The following SGCD variants were observed in gnomAD, a reference collection of about 807,000 sequenced individuals.
SGCD encodes delta-sarcoglycan.
SGCD carries 18 observed loss-of-function variants against 36.6 expected under a neutral mutation model. The observed-to-expected ratio is 0.49, with a 90% CI of 0.34 to 0.73. The LOEUF (loss-of-function observed/expected upper bound fraction) is 0.73, where lower values mean the gene tolerates loss of function less well. Ranked by LOEUF, SGCD falls within the 30% of genes least tolerant of loss-of-function variation. SGCD has a pLI of 0.01. For synonymous variants in SGCD, 133 were observed against 130.6 expected (o/e 1.02, Z -0.12); for missense variants, 387 against 346.7 (o/e 1.12, Z -0.92).
chr5:155,764,465 C>T, the SGCD span, among the ~76,000 whole-genome samples: 7 of 152,150 alleles, frequency 4.6e-5, no homozygotes, highest in African/African-American at 1.7e-4. Context: ...TCGTAGGTTG[C>T]AGGCTGAACT....
intron 1 of SGCD, among the ~76,000 whole-genome samples, chr5:156,086,574 G>T (rs183416505): frequency 2.0e-5 from 3 of 152,298 alleles, no homozygotes; most frequent in Non-Finnish European, 4.4e-5. Context: ...TGGTGAATGG[G>T]CTGGCATCAT....
intron 1 of SGCD, among the ~76,000 whole-genome samples, chr5:156,010,857 T>G (rs753433281): frequency 6.6e-6 from 1 of 152,210 alleles, no homozygotes; most frequent in Non-Finnish European, 1.5e-5. Context: ...GCTCACACTT[T>G]TACCTACTAC....
intron 7 of SGCD, among the ~76,000 whole-genome samples, chr5:156,732,470 C>A (rs1408531528): frequency 1.3e-5 from 2 of 152,162 alleles, no homozygotes; most frequent in Non-Finnish European, 2.9e-5. Flanking sequence ...GGTGGATAAG[C>A]TTTTTGATGT....
intron 3 of SGCD, among the ~76,000 whole-genome samples, chr5:156,271,570 C>T (rs1766180396): frequency 6.6e-6 from 1 of 151,922 alleles, no homozygotes; most frequent in Non-Finnish European, 1.5e-5. Context: ...AGTGCTTGAT[C>T]CAAAAATATT....
At chr5:156,434,223 A>G (rs575996845) in intron 3 of SGCD, among the ~76,000 whole-genome samples, 1 of 152,370 alleles carries the variant, frequency 6.6e-6, no homozygotes, top group Non-Finnish European at 1.5e-5. Flanking sequence ...GTGTGTGTGT[A>G]AAGTAGTCTT....
chr5:156,552,235 A>C (rs1444947904), intron 4 of SGCD, among the ~76,000 whole-genome samples: 1 of 152,304 alleles, frequency 6.6e-6, no homozygotes, highest in South Asian at 2.1e-4. Context: ...TCAAGGTGAG[A>C]GCCTATAAGG....
At chr5:156,520,746 G>A (rs995441845) in intron 4 of SGCD, among the ~76,000 whole-genome samples, 6 of 152,050 alleles carry the variant, frequency 3.9e-5, no homozygotes, top group African/African-American at 7.2e-5. Context: ...AGCCAGGCGC[G>A]GTGGCTCATG....
intron 3 of SGCD, among the ~76,000 whole-genome samples, chr5:156,189,816 AT>A (rs999218123): frequency 1.1e-4 from 16 of 152,076 alleles, no homozygotes; most frequent in Non-Finnish European, 1.8e-4. Flanking sequence ...TGTGACAGGA[AT>A]TTTTTTTGAA....
chr5:156,223,294 T>C (rs1561572370), intron 3 of SGCD, among the ~76,000 whole-genome samples: 1 of 152,106 alleles, frequency 6.6e-6, no homozygotes, highest in African/African-American at 2.4e-5. Flanking sequence ...AATAGAATTC[T>C]ATTAGATGAT....
rs188568954 is a variant in SGCD, at chr5:155,926,867, C to G, written c.-282+56443C>G. Among the ~76,000 whole-genome samples the G allele has an allele frequency of 1.0e-3, 155 of 152,220 alleles. 1 individual carries two copies. Among genetic ancestry groups the G allele is most frequent in the African/African-American group, 3.6e-3 (151 of 41,548 alleles). On this transcript the variant is annotated intron_variant, in intron 1 of 9. Coordinates refer to the SGCD transcript ENST00000517913. ...AAATCATACGCAGTATGATCCCAAT[C>G]AAAAAAAGCAGCAGTTCTTAACTAG...
chr5:155,774,566 C>T, the SGCD span, among the ~76,000 whole-genome samples: 1 of 152,116 alleles, frequency 6.6e-6, no homozygotes, highest in South Asian at 2.1e-4. Flanking sequence ...ATCCATGTTC[C>T]TGGCTTTTTC....
chr5:156,225,684 A>T (rs1370450555), intron 3 of SGCD, among the ~76,000 whole-genome samples: 1 of 152,126 alleles, frequency 6.6e-6, no homozygotes, highest in African/African-American at 2.4e-5. Flanking sequence ...GTCTCTATCA[A>T]TAGTATCCTT....
chr5:156,284,905 A>T (rs1351506667), intron 3 of SGCD, among the ~76,000 whole-genome samples: 2 of 152,218 alleles, frequency 1.3e-5, no homozygotes, highest in African/African-American at 4.8e-5. Context: ...AGATGACATG[A>T]TTGTGTATCT....
the SGCD span, among the ~76,000 whole-genome samples, chr5:155,740,902 T>C: frequency 6.6e-6 from 1 of 152,294 alleles, no homozygotes; most frequent in South Asian, 2.1e-4. Flanking sequence ...CTGAGCCAAA[T>C]GTGAGGACCA....
chr5:156,668,073 C>T (rs7716575), intron 7 of SGCD, among the ~76,000 whole-genome samples: 2 of 152,034 alleles, frequency 1.3e-5, no homozygotes, highest in African/African-American at 4.8e-5. Flanking sequence ...CATTATGTTG[C>T]CTCTATTTTT....
chr5:156,034,794 G>A (rs1759448136), intron 1 of SGCD, among the ~76,000 whole-genome samples: 1 of 152,204 alleles, frequency 6.6e-6, no homozygotes, highest in South Asian at 2.1e-4. Flanking sequence ...AACTATGTTT[G>A]TCTTGCTGTA....
chr5:155,961,521 C>T (rs1023484808), intron 1 of SGCD, among the ~76,000 whole-genome samples: 1 of 152,074 alleles, frequency 6.6e-6, no homozygotes, highest in South Asian at 2.1e-4. Context: ...TTTAACATTT[C>T]AGCCAACAAA....
At chr5:155,957,009 C>A (rs1451519538) in intron 1 of SGCD, among the ~76,000 whole-genome samples, 1 of 151,986 alleles carries the variant, frequency 6.6e-6, no homozygotes, top group East Asian at 1.9e-4. Flanking sequence ...GTGTTGCTAT[C>A]ACAGTATGTA....
intron 3 of SGCD, among the ~76,000 whole-genome samples, chr5:156,237,443 G>A (rs533474009): frequency 2.0e-5 from 3 of 152,088 alleles, no homozygotes; most frequent in Admixed American, 6.5e-5. Flanking sequence ...TGGCCAACAC[G>A]GTGAAACCCC....
Sources: allele counts gnomAD v4.1 joint callset (sites outside exome capture counted in the v4.1 genomes callset), GRCh38; gene constraint gnomAD v4.1.1; transcripts MANE v1.5; gene names NCBI Gene and HGNC (gene_info 2026-07-23, HGNC 2026-07-21).